The following YIF1B variants were observed in gnomAD, a reference collection of about 807,000 sequenced individuals.
YIF1B encodes the protein Yip1 interacting factor homolog B, membrane trafficking protein, also known as protein YIF1B.
Under a neutral mutation model 34.6 loss-of-function variants are expected in YIF1B, and 24 were observed. That is an observed-to-expected ratio of 0.69 (90% confidence interval 0.50 to 0.98). The LOEUF (loss-of-function observed/expected upper bound fraction) is 0.98, where lower values mean the gene tolerates loss of function less well. Ranked by LOEUF, YIF1B falls within the 50% of genes least tolerant of loss-of-function variation. The pLI is 0.00. For missense variants in YIF1B, 368 were observed against 429.4 expected, an observed-to-expected ratio of 0.86 and a Z score of 1.26; for synonymous variants, 186 against 184.8, an observed-to-expected ratio of 1.01 and a Z score of -0.05.
chr19:38,309,398 C>T lies in YIF1B; in HGVS notation c.297+7G>A. On this transcript the variant is annotated splice_region_variant and intron_variant, in intron 2 of 7. Transcript: ENST00000339413. Reference sequence around the variant, plus strand: ...TCCCCCCACTCCCACCAGCCCCGCCCACTCACGTTCTTATCCACCAGCTCC... The same window carrying T: ...TCCCCCCACTCCCACCAGCCCCGCCTACTCACGTTCTTATCCACCAGCTCC... 2 of 1,612,512 alleles carry T rather than the reference C, an allele frequency of 1.2e-6. No individual in the cohort carries two copies. Among genetic ancestry groups the T allele is most frequent in the Non-Finnish European group, 1.7e-6 (2 of 1,178,934 alleles).
Position 38,308,995 on chromosome 19 carries a change from C to A in YIF1B, c.465G>T (p.Pro155=). ...GGGTGAAACCTGGAATGTAGAGGTCCGGGGCATTGACGTCAAAGCGGGGGG... is the reference window on the plus strand; with the variant it reads ...GGGTGAAACCTGGAATGTAGAGGTCAGGGGCATTGACGTCAAAGCGGGGGG... ...PVAPRFDVNA[P]DLYIPAMAFI... The change falls in exon 4 of 8, where the codon CCG becomes CCT. Residue 155 remains proline (P), a synonymous_variant. Coordinates refer to ENST00000339413, the MANE Select transcript of YIF1B (RefSeq NM_001039672.3). 2 of 1,590,730 alleles carry A rather than the reference C, an allele frequency of 1.3e-6. No homozygotes were observed. Among genetic ancestry groups the A allele is most frequent in the Non-Finnish European group, 1.7e-6 (2 of 1,166,842 alleles).
At position 38,307,584 on chromosome 19, in the gene YIF1B, C is replaced by CG. The variant is rs764318304; in HGVS notation, c.695+12dup. 4.6e-5 allele frequency: 75 copies of CG among 1,613,428 alleles called. No individual in the cohort carries two copies. The highest frequency in any genetic ancestry group is 3.3e-5 in the Non-Finnish European group (39 of 1,179,970). On this transcript the variant is annotated intron_variant, in intron 6 of 7. Coordinates refer to ENST00000339413, the MANE Select transcript of YIF1B (RefSeq NM_001039672.3). ...CAAGGGCTGGGGCTGGCGTGAAGGG[C>CG]GGGGGTACTCACCCGACATATTTGT...
chr19:38,304,999 C>A lies in YIF1B; in HGVS notation c.*353G>T. 1 of 1,564,790 alleles carries A rather than the reference C, an allele frequency of 6.4e-7. No homozygotes were observed. The highest frequency in any genetic ancestry group is 8.7e-7 in the Non-Finnish European group (1 of 1,154,882). ...GACAGGGCTCATTAAACCTTCCTCT[C>A]TGCCTTCTGCGACTGGTCAGCGTGG... On this transcript the variant is annotated 3_prime_UTR_variant, in exon 8 of 8. Coordinates refer to ENST00000339413, the MANE Select transcript of YIF1B (RefSeq NM_001039672.3).
At chr19:38,316,401 A>C (rs1029790059), upstream of YIF1B, among the ~76,000 whole-genome samples, 1 of 151,892 alleles carries the variant, frequency 6.6e-6, no homozygotes, top group African/African-American at 2.4e-5. Flanking sequence ...AACGCCTGTA[A>C]TCTCAGCACT....
chr19:38,304,825 C>G lies in YIF1B; in HGVS notation c.*527G>C. 6.2e-7 allele frequency: 1 copy of G among 1,613,690 alleles called. No individual in the cohort carries two copies. The highest frequency in any genetic ancestry group is 8.5e-7 in the Non-Finnish European group (1 of 1,179,980). ...CCCAGAACCATCTCTTCTCTCCCAT[C>G]CCTGCCCTCGGCCCCACAGTCCCAC... On this transcript the variant is annotated 3_prime_UTR_variant, in exon 8 of 8. Coordinates refer to ENST00000339413, the MANE Select transcript of YIF1B (RefSeq NM_001039672.3).
At position 38,309,395 on chromosome 19, in the gene YIF1B, G is replaced by A. The variant is rs780676380; in HGVS notation, c.297+10C>T. 33 of 1,612,192 alleles carry A rather than the reference G, an allele frequency of 2.0e-5. No homozygotes were observed. Among genetic ancestry groups the A allele is most frequent in the Middle Eastern group, 3.3e-4 (2 of 6,068 alleles). ...GCATCCCCCCACTCCCACCAGCCCC[G>A]CCCACTCACGTTCTTATCCACCAGC... On this transcript the variant is annotated intron_variant, in intron 2 of 7. Transcript: ENST00000339413.
At chr19:38,319,964 C>T (rs1432539305), upstream of YIF1B, 1 of 1,456,052 alleles carries the variant, frequency 6.9e-7, no homozygotes, top group Non-Finnish European at 9.0e-7. Flanking sequence ...CGGAGGGGCG[C>T]GCTTCTGGCG....
chr19:38,307,167 G>C (rs1474441421), intron 7 of YIF1B: 1 of 538,002 alleles, frequency 1.9e-6, no homozygotes, highest in Non-Finnish European at 3.5e-6. Context: ...AGTGGAATGA[G>C]AGTGAGAGCC....
chr19:38,304,239 A>G lies in YIF1B; in HGVS notation c.*1113T>C. The G allele has an allele frequency of 1.2e-6, 2 of 1,613,460 alleles. No homozygotes were observed. Among genetic ancestry groups the G allele is most frequent in the South Asian group, 2.2e-5 (2 of 91,052 alleles). On this transcript the variant is annotated 3_prime_UTR_variant, in exon 8 of 8. Coordinates refer to ENST00000339413, the MANE Select transcript of YIF1B (RefSeq NM_001039672.3). ...GCAGGGCCCAGGCGCCCTTGGCCTT[A>G]GGACCCAACTTCTCTTACCGCCATG...
chr19:38,319,606 A>G (rs1969621896), upstream of YIF1B, among the ~76,000 whole-genome samples: 1 of 152,226 alleles, frequency 6.6e-6, no homozygotes, highest in Admixed American at 6.5e-5. Flanking sequence ...AGGAAAGTTC[A>G]GATTCTTCTA....
chr19:38,307,382 C>G, intron 7 of YIF1B, 46 bp downstream of exon 7: 1 of 1,601,080 alleles, frequency 6.2e-7, no homozygotes, highest in Non-Finnish European at 8.5e-7. Context: ...CTGGATGCCT[C>G]CGGGGCACCT....
chr19:38,309,885 C>T (rs1309605344), intron 1 of YIF1B: 27 of 1,370,892 alleles, frequency 2.0e-5, no homozygotes, highest in Non-Finnish European at 2.1e-5. Flanking sequence ...TTCATCTACC[C>T]ACCCATCCAT....
chr19:38,304,179 A>G lies in YIF1B; in HGVS notation c.*1173T>C. 1.3e-6 allele frequency: 2 copies of G among 1,541,452 alleles called. No homozygotes were observed. The highest frequency in any genetic ancestry group is 2.3e-5 in the East Asian group (1 of 44,206). The stretch of plus-strand genomic sequence containing the variant: ...GCGTCTCAGCATTCCTCCAACGGGC[A>G]GGTCTCAGCGCTCCTCCCCCTGCTC... On this transcript the variant is annotated 3_prime_UTR_variant, in exon 8 of 8. Coordinates refer to ENST00000339413, the MANE Select transcript of YIF1B (RefSeq NM_001039672.3).
chr19:38,311,483 C>T (rs1969325252), intron 1 of YIF1B, among the ~76,000 whole-genome samples: 1 of 152,186 alleles, frequency 6.6e-6, no homozygotes, highest in East Asian at 1.9e-4. Flanking sequence ...TCTTCACAAC[C>T]ACCCTGTTTC....
upstream of YIF1B, among the ~76,000 whole-genome samples, chr19:38,316,350 AC>A (rs1287513863): frequency 7.2e-6 from 1 of 137,976 alleles, no homozygotes; most frequent in Non-Finnish European, 1.6e-5. Context: ...CCCCATCCCT[AC>A]AATTTTTTTT....
At chr19:38,321,175 G>A (rs927408608), upstream of YIF1B, among the ~76,000 whole-genome samples, 3 of 152,142 alleles carry the variant, frequency 2.0e-5, no homozygotes, top group Non-Finnish European at 4.4e-5. Flanking sequence ...CTCTCAGGGT[G>A]TCCTCACTAA....
intron 7 of YIF1B, 60 bp from the exon 8 acceptor site, chr19:38,305,567 T>G: frequency 1.3e-6 from 2 of 1,531,048 alleles, no homozygotes; most frequent in Non-Finnish European, 1.8e-6. Flanking sequence ...TGGGCCAGAG[T>G]GAGAGCCCGG....
At chr19:38,307,567 G>A (rs1266572817) in intron 6 of YIF1B, 30 bp downstream of exon 6, 1 of 1,613,768 alleles carries the variant, frequency 6.2e-7, no homozygotes, top group South Asian at 1.1e-5. Flanking sequence ...CCCAAGGGCT[G>A]GGGCTGGCGT....
intron 1 of YIF1B, among the ~76,000 whole-genome samples, chr19:38,314,987 G>C (rs1009095095): frequency 6.6e-6 from 1 of 151,418 alleles, no homozygotes; most frequent in African/African-American, 2.4e-5. Flanking sequence ...TGCCGGGTGC[G>C]GTGGCTCACG....
Sources: gnomAD v4.1 joint callset for allele counts (sites outside exome capture counted in the v4.1 genomes callset) on GRCh38, gnomAD v4.1.1 for gene constraint, MANE v1.5 for transcripts, NCBI Gene and HGNC (gene_info 2026-07-23, HGNC 2026-07-21) for gene names.